The following GNA14 variants were observed in gnomAD, a reference collection of about 807,000 sequenced individuals.
The protein encoded by GNA14 is G protein subunit alpha 14.
Under a neutral mutation model 42.0 loss-of-function variants are expected in GNA14, and 50 were observed. The ratio of observed to expected loss-of-function variants is 1.19; its 90% CI spans 0.95 to 1.51. The LOEUF is 1.51. Ranked by LOEUF, GNA14 falls within the 40% of genes most tolerant of loss-of-function variation. GNA14 has a pLI of 0.00. For synonymous variants in GNA14, 173 were observed against 163.1 expected, an observed-to-expected ratio of 1.06 and a Z score of -0.46; for missense variants, 473 against 446.2, an observed-to-expected ratio of 1.06 and a Z score of -0.54.
At chr9:77,451,687 G>A (rs75787534) in intron 2 of GNA14, among the ~76,000 whole-genome samples, 2,792 of 152,252 alleles carry the variant, frequency 0.018, 29 homozygotes, top group Middle Eastern at 0.031. Context: ...TGGGACTCTG[G>A]ACCACAGGTT....
At chr9:77,510,939 T>A (rs1837156213) in intron 2 of GNA14, among the ~76,000 whole-genome samples, 1 of 151,896 alleles carries the variant, frequency 6.6e-6, no homozygotes, top group East Asian at 1.9e-4. Context: ...GGAGGAGAGA[T>A]GCTCTCAGAA....
At chr9:77,516,067 C>T (rs1198871413) in intron 2 of GNA14, among the ~76,000 whole-genome samples, 1 of 150,316 alleles carries the variant, frequency 6.7e-6, no homozygotes, top group African/African-American at 2.5e-5. Context: ...TGGTACATGA[C>T]CCGCAAGCAG....
At chr9:77,424,232 C>T in intron 6 of GNA14, 63 bp from the exon 7 acceptor site, 1 of 1,196,042 alleles carries the variant, frequency 8.4e-7, no homozygotes, top group South Asian at 1.5e-5. Context: ...TCCCAAGAAC[C>T]TTTTTTTTGA....
At chr9:77,440,784 C>T (rs868421262) in intron 2 of GNA14, among the ~76,000 whole-genome samples, 4 of 152,078 alleles carry the variant, frequency 2.6e-5, no homozygotes, top group African/African-American at 4.8e-5. Context: ...GGCGCAATCT[C>T]GGTTCACTGC....
intron 1 of GNA14, among the ~76,000 whole-genome samples, chr9:77,602,601 C>T (rs1326141773): frequency 6.6e-6 from 1 of 152,162 alleles, no homozygotes; most frequent in Non-Finnish European, 1.5e-5. Context: ...TCCTCCTCTC[C>T]AGCATAGACC....
rs764737417 is a variant in GNA14, at chr9:77,644,437, CAAAAAA to C, written c.124+3227_124+3232del. On this transcript the variant is annotated intron_variant, in intron 1 of 6. Coordinates refer to ENST00000341700, the MANE Select transcript of GNA14 (RefSeq NM_004297.4). ...TACTGAACTCCAACCTAAAGAGTGT[CAAAAAA>C]AAAAAAAAAAAAAAAAAAAAAGACA... Among the ~76,000 whole-genome samples the C allele has an allele frequency of 1.2e-3, 42 of 34,018 alleles. 1 individual carries two copies. The South Asian group carries it at 0.026, about 21-fold the overall frequency. 22.3% of individuals were successfully genotyped at this position (34,018 alleles called of 152,430 possible).
At chr9:77,536,881 T>G (rs776852618) in intron 1 of GNA14, among the ~76,000 whole-genome samples, 1 of 152,226 alleles carries the variant, frequency 6.6e-6, no homozygotes, top group African/African-American at 2.4e-5. Flanking sequence ...TTTTTCTAAT[T>G]TGAGATATCA....
At chr9:77,480,832 C>G (rs1348101021) in intron 2 of GNA14, among the ~76,000 whole-genome samples, 1 of 152,172 alleles carries the variant, frequency 6.6e-6, no homozygotes, top group African/African-American at 2.4e-5. Context: ...AGTTTATTTG[C>G]ATAGAGGTGT....
intron 2 of GNA14, among the ~76,000 whole-genome samples, chr9:77,466,773 G>C: frequency 6.6e-6 from 1 of 152,016 alleles, no homozygotes; most frequent in East Asian, 1.9e-4. Context: ...TCTCCCTCCC[G>C]TCTGAGTTTG....
At chr9:77,473,986 T>TA (rs1235718031) in intron 2 of GNA14, among the ~76,000 whole-genome samples, 1 of 152,078 alleles carries the variant, frequency 6.6e-6, no homozygotes, top group Non-Finnish European at 1.5e-5. Context: ...CCCTACCTCA[T>TA]AAAATATACA....
At position 77,450,100 on chromosome 9, in the gene GNA14, C is replaced by T. The variant is rs1835880816; in HGVS notation, c.310-15578G>A. ...CCTCAGGGCATTTGTCCCAGGGCTG[C>T]AGGATTCTGGAGCTTTGGCATTCTG... On this transcript the variant is annotated intron_variant, in intron 2 of 6. Coordinates refer to ENST00000341700, the MANE Select transcript of GNA14 (RefSeq NM_004297.4). Among the ~76,000 whole-genome samples, 5 of 152,342 alleles carry T rather than the reference C, an allele frequency of 3.3e-5. No individual in the cohort carries two copies. In the South Asian group the frequency reaches 8.3e-4, roughly 25 times the overall value.
At chr9:77,515,781 T>G (rs1163029857) in intron 2 of GNA14, among the ~76,000 whole-genome samples, 1 of 151,374 alleles carries the variant, frequency 6.6e-6, no homozygotes, top group Non-Finnish European at 1.5e-5. Context: ...CTGGGCAACA[T>G]AGGGAGACCC....
chr9:77,448,497 C>T (rs1835858405), intron 2 of GNA14, among the ~76,000 whole-genome samples: 1 of 152,210 alleles, frequency 6.6e-6, no homozygotes, highest in Non-Finnish European at 1.5e-5. Context: ...CCAGGCTAAG[C>T]TATTCTGTTT....
At chr9:77,476,580 C>G (rs745366762) in intron 2 of GNA14, among the ~76,000 whole-genome samples, 6 of 152,194 alleles carry the variant, frequency 3.9e-5, no homozygotes, top group Non-Finnish European at 7.3e-5. Context: ...GCCATACTGC[C>G]TCTTACAACT....
chr9:77,647,637 C>T (rs1824379629), intron 1 of GNA14, 33 bp downstream of exon 1: 3 of 1,594,202 alleles, frequency 1.9e-6, no homozygotes, highest in Non-Finnish European at 1.7e-6. Context: ...GAAAAACGCC[C>T]GGCTCACTGG....
intron 2 of GNA14, among the ~76,000 whole-genome samples, chr9:77,474,180 T>G (rs1836378458): frequency 6.6e-6 from 1 of 152,210 alleles, no homozygotes; most frequent in Admixed American, 6.5e-5. Flanking sequence ...TTAAAAACTT[T>G]TATACTTTAA....
At chr9:77,618,562 T>TG (rs999506576) in intron 1 of GNA14, among the ~76,000 whole-genome samples, 1 of 139,734 alleles carries the variant, frequency 7.2e-6, no homozygotes, top group African/African-American at 2.7e-5. Flanking sequence ...GTTGATTATA[T>TG]GCTGGATGAT....
intron 1 of GNA14, among the ~76,000 whole-genome samples, chr9:77,636,852 G>T (rs930667752): frequency 2.0e-5 from 3 of 152,216 alleles, no homozygotes; most frequent in Non-Finnish European, 4.4e-5. Context: ...CATTCAAACC[G>T]CAGCACAAGC....
At position 77,647,865 on chromosome 9, in the gene GNA14, CCGGCCAGCA is replaced by C; in HGVS notation, c.-81_-73del. The C allele has an allele frequency of 2.6e-6, 4 of 1,541,524 alleles. No homozygotes were observed. The Admixed American group carries it at 7.7e-5, about 30-fold the overall frequency. On this transcript the variant is annotated 5_prime_UTR_variant, in exon 1 of 7. It removes an upstream start codon present in the reference 5' UTR. Coordinates refer to ENST00000341700, the MANE Select transcript of GNA14 (RefSeq NM_004297.4). ...CCGAATCCTCGGCCCGGCCGCTCACCCGGCCAGCATGCGACGGGCACAGGGGTGTGGAAA... is the reference window on the plus strand; with the variant it reads ...CCGAATCCTCGGCCCGGCCGCTCACCTGCGACGGGCACAGGGGTGTGGAAA...
Sources: gnomAD v4.1 joint callset for allele counts (sites outside exome capture counted in the v4.1 genomes callset) on GRCh38, gnomAD v4.1.1 for gene constraint, MANE v1.5 for transcripts, NCBI Gene and HGNC (gene_info 2026-07-23, HGNC 2026-07-21) for gene names.